LHFPL2: variants seen among roughly 807,000 people sequenced by gnomAD.
LHFPL2 encodes the protein LHFPL tetraspan subfamily member 2.
A neutral mutation model predicts 17.5 loss-of-function variants in LHFPL2; 7 were observed. The observed-to-expected ratio is 0.40, with a 90% CI of 0.23 to 0.75. The LOEUF is 0.75. Among genes scored for constraint, LHFPL2 ranks in the 30% least tolerant of loss-of-function variants. The pLI, the probability that LHFPL2 is intolerant of heterozygous loss-of-function variation, is 0.37. For synonymous variants in LHFPL2, 134 were observed against 116.2 expected (o/e 1.15, Z -0.99); for missense variants, 241 against 294.8 (o/e 0.82, Z 1.34).
chr5:78,588,120 C>T (rs2112456035), intron 2 of LHFPL2, among the ~76,000 whole-genome samples: 1 of 152,342 alleles, frequency 6.6e-6, no homozygotes, highest in East Asian at 1.9e-4. Context: ...GGCCAACAGC[C>T]TGACAGAGAC....
chr5:78,636,801 G>C (rs1005071271), intron 1 of LHFPL2, among the ~76,000 whole-genome samples: 1 of 152,156 alleles, frequency 6.6e-6, no homozygotes, highest in South Asian at 2.1e-4. Flanking sequence ...AGGCTTCACA[G>C]AACTGACTTC....
chr5:78,494,691 G>A (rs1754550376), intron 4 of LHFPL2, among the ~76,000 whole-genome samples: 1 of 152,184 alleles, frequency 6.6e-6, no homozygotes, highest in Non-Finnish European at 1.5e-5. Flanking sequence ...CTGGGCACCA[G>A]CCATCCCAGC....
chr5:78,580,690 G>C (rs528640568), intron 2 of LHFPL2, among the ~76,000 whole-genome samples: 1 of 152,280 alleles, frequency 6.6e-6, no homozygotes, highest in East Asian at 1.9e-4. Context: ...GCTCTGTTCT[G>C]TTCCATCGGT....
chr5:78,643,584 A>G (rs1043805442), intron 1 of LHFPL2, among the ~76,000 whole-genome samples: 1 of 151,880 alleles, frequency 6.6e-6, no homozygotes, highest in Admixed American at 6.5e-5. Flanking sequence ...TTTTTTTTGA[A>G]ATTACAGAAG....
At chr5:78,512,015 T>G (rs1380903568) in intron 3 of LHFPL2, among the ~76,000 whole-genome samples, 1 of 152,128 alleles carries the variant, frequency 6.6e-6, no homozygotes, top group Non-Finnish European at 1.5e-5. Context: ...GTAGCCTACC[T>G]CACCAGATTG....
intron 3 of LHFPL2, among the ~76,000 whole-genome samples, chr5:78,531,689 C>G (rs1479075973): frequency 6.6e-6 from 1 of 152,170 alleles, no homozygotes; most frequent in Non-Finnish European, 1.5e-5. Context: ...GCCTACATTT[C>G]TCAACCTCCT....
At chr5:78,590,394 CA>C (rs769507222) in intron 2 of LHFPL2, among the ~76,000 whole-genome samples, 4 of 152,282 alleles carry the variant, frequency 2.6e-5, no homozygotes, top group Non-Finnish European at 5.9e-5. Flanking sequence ...CTTGCCTCTT[CA>C]TTTTTTCTAA....
chr5:78,599,456 T>C (rs1247594752), intron 2 of LHFPL2, among the ~76,000 whole-genome samples: 3 of 147,316 alleles, frequency 2.0e-5, no homozygotes, highest in East Asian at 2.0e-4. Context: ...TCCGCCATCA[T>C]GCCCGGCTAA....
chr5:78,579,927 G>A lies in LHFPL2; in HGVS notation c.-244-15056C>T, dbSNP rs565197441. Among the ~76,000 whole-genome samples, 6 of 152,326 alleles carry A rather than the reference G, an allele frequency of 3.9e-5. No homozygotes were observed. In the East Asian group the frequency reaches 1.2e-3, roughly 29 times the overall value. On this transcript the variant is annotated intron_variant, in intron 2 of 4. Transcript: ENST00000380345. ...TAGATCCTTGAGGAATCGCCACACT[G>A]ACTTCCACAATGTTTGAACTAGTTT...
At chr5:78,598,968 A>G (rs1743913288) in intron 2 of LHFPL2, among the ~76,000 whole-genome samples, 1 of 152,150 alleles carries the variant, frequency 6.6e-6, no homozygotes, top group Non-Finnish European at 1.5e-5. Context: ...TACTTCACAA[A>G]ATTTGAACAT....
At chr5:78,540,564 G>C (rs560109912) in intron 3 of LHFPL2, among the ~76,000 whole-genome samples, 1 of 152,224 alleles carries the variant, frequency 6.6e-6, no homozygotes, top group African/African-American at 2.4e-5. Context: ...GCAGAGAGGG[G>C]CCCCACACTG....
At chr5:78,633,778 C>A (rs778003559) in intron 1 of LHFPL2, among the ~76,000 whole-genome samples, 1 of 152,188 alleles carries the variant, frequency 6.6e-6, no homozygotes, top group Non-Finnish European at 1.5e-5. Flanking sequence ...CAAGGCCCTT[C>A]CTCTTCTCCT....
intron 3 of LHFPL2, among the ~76,000 whole-genome samples, chr5:78,535,457 G>C (rs1755919722): frequency 6.6e-6 from 1 of 152,158 alleles, no homozygotes. Context: ...CTAGTGTGAG[G>C]GGAGGAATAA....
intron 2 of LHFPL2, among the ~76,000 whole-genome samples, chr5:78,611,806 C>A (rs1014499746): frequency 2.0e-5 from 3 of 152,146 alleles, no homozygotes; most frequent in African/African-American, 7.2e-5. Flanking sequence ...TGTAGGAGCA[C>A]AAACTTTTTT....
At chr5:78,617,376 A>G (rs190189582) in intron 2 of LHFPL2, among the ~76,000 whole-genome samples, 1 of 152,286 alleles carries the variant, frequency 6.6e-6, no homozygotes, top group Non-Finnish European at 1.5e-5. Flanking sequence ...TGTGAAAGCT[A>G]TTCGTTTTCT....
At chr5:78,591,244 A>G (rs901381999) in intron 2 of LHFPL2, among the ~76,000 whole-genome samples, 3 of 152,206 alleles carry the variant, frequency 2.0e-5, no homozygotes, top group Non-Finnish European at 2.9e-5. Context: ...CTAATGACCA[A>G]TGTTTGTTCC....
chr5:78,495,582 G>A (rs986266074), intron 4 of LHFPL2, among the ~76,000 whole-genome samples: 1 of 152,120 alleles, frequency 6.6e-6, no homozygotes, highest in African/African-American at 2.4e-5. Flanking sequence ...AACAAAAGAA[G>A]GTCACCTGTT....
chr5:78,636,942 A>G (rs1745469871), intron 1 of LHFPL2, among the ~76,000 whole-genome samples: 1 of 152,068 alleles, frequency 6.6e-6, no homozygotes, highest in Admixed American at 6.6e-5. Flanking sequence ...CTTCACAAGC[A>G]AGTATCTAGG....
At chr5:78,621,809 A>G (rs1198020299) in intron 2 of LHFPL2, among the ~76,000 whole-genome samples, 1 of 152,104 alleles carries the variant, frequency 6.6e-6, no homozygotes, top group African/African-American at 2.4e-5. Flanking sequence ...TGTGTGATAC[A>G]TTGCTATTCT....
Sources: allele counts gnomAD v4.1 joint callset (sites outside exome capture counted in the v4.1 genomes callset), GRCh38; gene constraint gnomAD v4.1.1; transcripts MANE v1.5; gene names NCBI Gene and HGNC (gene_info 2026-07-23, HGNC 2026-07-21).